The following C2CD5 variants were observed in gnomAD, a reference collection of about 807,000 sequenced individuals.
C2CD5 encodes C2 calcium dependent domain containing 5.
Under a neutral mutation model 130.3 loss-of-function variants are expected in C2CD5, and 109 were observed. That is an observed-to-expected ratio of 0.84 (90% confidence interval 0.72 to 0.98). The LOEUF is 0.98. Among genes scored for constraint, C2CD5 ranks in the 50% least tolerant of loss-of-function variants. The probability of loss-of-function intolerance (pLI) is 0.00; values close to 1 mark genes in which losing one functional copy is unlikely to be tolerated. For synonymous variants in C2CD5, 454 were observed against 429.2 expected (o/e 1.06, Z -0.71); for missense variants, 996 against 1,261.8 (o/e 0.79, Z 3.19).
At chr12:22,511,173 GAA>G (rs145915898) in intron 9 of C2CD5, among the ~76,000 whole-genome samples, 72 of 69,088 alleles carry the variant, frequency 1.0e-3, no homozygotes, top group African/African-American at 2.4e-3. Flanking sequence ...CTTTCCTCAA[GAA>G]AAAAAAAAAA....
chr12:22,456,935 A>T (rs1209901101), intron 25 of C2CD5, 36 bp downstream of exon 25: 32 of 1,384,842 alleles, frequency 2.3e-5, no homozygotes, highest in Non-Finnish European at 2.9e-5. Flanking sequence ...TTCAGAGAAA[A>T]TTTTTTAAAA....
chr12:22,513,459 A>G (rs538263774), intron 8 of C2CD5, 80 bp from the exon 9 acceptor site: 2 of 856,232 alleles, frequency 2.3e-6, no homozygotes, highest in East Asian at 4.9e-5. Flanking sequence ...CTTCATAAAC[A>G]TCATGAGTTG....
chr12:22,536,723 A>G (rs1341678107), intron 2 of C2CD5, among the ~76,000 whole-genome samples: 1 of 152,220 alleles, frequency 6.6e-6, no homozygotes, highest in Non-Finnish European at 1.5e-5. Context: ...TTATCTCTGA[A>G]GAAGGGACTG....
intron 13 of C2CD5, chr12:22,484,421 T>A: frequency 3.2e-6 from 1 of 308,338 alleles, no homozygotes; most frequent in Non-Finnish European, 5.9e-6. Flanking sequence ...CTATACTTAG[T>A]CACATCCCTA....
intron 2 of C2CD5, among the ~76,000 whole-genome samples, chr12:22,542,404 G>C (rs975951982): frequency 1.3e-5 from 2 of 152,238 alleles, no homozygotes; most frequent in African/African-American, 2.4e-5. Context: ...TACAGAAAAT[G>C]AGGTTTTATA....
At chr12:22,466,750 T>C (rs1277776996) in intron 22 of C2CD5, among the ~76,000 whole-genome samples, 2 of 152,250 alleles carry the variant, frequency 1.3e-5, no homozygotes, top group African/African-American at 4.8e-5. Context: ...AAGGTACAGA[T>C]ACACTTTTAA....
intron 10 of C2CD5, among the ~76,000 whole-genome samples, chr12:22,495,689 A>G (rs541013812): frequency 7.2e-5 from 11 of 152,262 alleles, no homozygotes; most frequent in Admixed American, 2.0e-4. Flanking sequence ...ATTGTATTTA[A>G]TAAGTATTTA....
At chr12:22,488,173 A>G (rs984993775) in intron 12 of C2CD5, among the ~76,000 whole-genome samples, 3 of 152,270 alleles carry the variant, frequency 2.0e-5, no homozygotes, top group Middle Eastern at 3.4e-3. Flanking sequence ...GTGCACATGT[A>G]CCCTAAAACT....
intron 10 of C2CD5, among the ~76,000 whole-genome samples, chr12:22,501,303 C>T (rs974877155): frequency 6.6e-6 from 1 of 152,046 alleles, no homozygotes. Flanking sequence ...TTTGCCAAAC[C>T]GTAATTCTGC....
intron 8 of C2CD5, among the ~76,000 whole-genome samples, chr12:22,517,695 G>A (rs1018097470): frequency 5.3e-5 from 8 of 152,100 alleles, no homozygotes; most frequent in African/African-American, 1.9e-4. Flanking sequence ...AATGTTTTAA[G>A]ATGTTATTCC....
Position 22,493,256 on chromosome 12 carries a change from G to A in C2CD5, c.1229C>T (p.Ala410Val), listed in dbSNP as rs765942174. 2.5e-6 allele frequency: 4 copies of A among 1,609,562 alleles called. No homozygotes were observed. In the South Asian group the frequency reaches 3.3e-5, roughly 13 times the overall value. Residue 410 changes from alanine (A) to valine (V), a missense_variant, in exon 11 of 27, where the codon GCT becomes GTT. Physicochemically the swap from Ala to Val is moderately conservative, Grantham distance 64. This residue lies in a region of C2CD5 where 590 missense variants were observed against 631.4 expected (regional missense o/e 0.93). Coordinates refer to ENST00000446597, the MANE Select transcript of C2CD5 (RefSeq NM_001286176.2). The stretch of plus-strand genomic sequence containing the variant: ...AGTTGATTCACTGTAGCCCACTACA[G>A]CATGACAGCCTAATGCTTTAGCATG... ...KSHAKALGCH[A>V]VVGYSESTSI...
chr12:22,526,640 G>A (rs1271260987), intron 4 of C2CD5, among the ~76,000 whole-genome samples: 2 of 152,160 alleles, frequency 1.3e-5, no homozygotes, highest in African/African-American at 4.8e-5. Context: ...GGGAGGCAAG[G>A]CAGGAGGACA....
intron 22 of C2CD5, among the ~76,000 whole-genome samples, chr12:22,460,998 A>G (rs184093553): frequency 1.3e-5 from 2 of 152,332 alleles, no homozygotes; most frequent in East Asian, 1.9e-4. Flanking sequence ...CACTGTGGAC[A>G]TGCCCTGACC....
chr12:22,472,158 A>C (rs535220853), intron 18 of C2CD5, 93 bp from the exon 19 acceptor site: 1 of 853,666 alleles, frequency 1.2e-6, no homozygotes, highest in East Asian at 2.6e-5. Context: ...AATACTAACT[A>C]ATGTAGTAGA....
rs1949917976 is a variant in C2CD5, at chr12:22,517,989, T to C, written c.949A>G (p.Thr317Ala). Residue 317 changes from threonine to alanine, a missense_variant, in exon 8 of 27, where the codon ACT becomes GCT. Transcript: ENST00000446597. The stretch of plus-strand genomic sequence containing the variant: ...AAGGTGGGTGGAAGCGCCTTACCAG[T>C]TTTGGGTGTCAAACTCAAATCTGTG... The part of the protein sequence containing the change: ...SDTDLSLTPK[T>A]GMGSGSAGKE... 10 of 1,611,934 alleles carry C rather than the reference T, an allele frequency of 6.2e-6. No homozygotes were observed. The highest frequency in any genetic ancestry group is 8.5e-6 in the Non-Finnish European group (10 of 1,178,892).
chr12:22,453,396 A>C (rs977670409), intron 26 of C2CD5, among the ~76,000 whole-genome samples: 8 of 152,228 alleles, frequency 5.3e-5, no homozygotes, highest in African/African-American at 1.9e-4. Flanking sequence ...TAACAATTTT[A>C]AGTGAATTAT....
chr12:22,510,748 A>C (rs1265783635), intron 9 of C2CD5, among the ~76,000 whole-genome samples: 1 of 152,238 alleles, frequency 6.6e-6, no homozygotes, highest in African/African-American at 2.4e-5. Flanking sequence ...GCGAAATACT[A>C]GGTTAAACTA....
intron 22 of C2CD5, among the ~76,000 whole-genome samples, chr12:22,463,093 G>A (rs887801758): frequency 6.7e-6 from 1 of 149,832 alleles, no homozygotes; most frequent in Non-Finnish European, 1.5e-5. Context: ...CAAAGAGAGA[G>A]AGAAAAAAAA....
intron 12 of C2CD5, among the ~76,000 whole-genome samples, chr12:22,489,581 T>C (rs1437910666): frequency 6.6e-6 from 1 of 152,092 alleles, no homozygotes; most frequent in Admixed American, 6.6e-5. Context: ...TACATGCAAA[T>C]ACTATACCAT....
Sources: allele counts gnomAD v4.1 joint callset (sites outside exome capture counted in the v4.1 genomes callset), GRCh38; gene constraint gnomAD v4.1.1; regional missense constraint gnomAD v4.1.1; transcripts MANE v1.5; gene names NCBI Gene and HGNC (gene_info 2026-07-23, HGNC 2026-07-21).